Variants in USP8 observed in about 807,000 individuals in gnomAD.
USP8 encodes the protein ubiquitin carboxyl-terminal hydrolase 8.
USP8 carries 27 observed loss-of-function variants against 130.0 expected under a neutral mutation model. The ratio of observed to expected loss-of-function variants is 0.21; its 90% CI spans 0.15 to 0.29. The LOEUF is 0.29. Ranked by LOEUF, USP8 falls within the 10% of genes least tolerant of loss-of-function variation. USP8 has a pLI of 1.00. For missense variants in USP8, 1,029 were observed against 1,312.2 expected (o/e 0.78, Z 3.33); for synonymous variants, 392 against 444.1 (o/e 0.88, Z 1.48).
At position 50,500,152 on chromosome 15, in the gene USP8, A is replaced by AGAT. The variant is rs1318799106; in HGVS notation, c.*1067_*1069dup. On this transcript the variant is annotated 3_prime_UTR_variant, in exon 20 of 20. Transcript: ENST00000307179. ...CACCATTAGCAGGCTCTCAGGGAGA[A>AGAT]GATGAAAGGATGGGGTTCAAATTGT... The AGAT allele has an allele frequency of 4.6e-5, 7 of 152,258 alleles. No individual in the cohort carries two copies. The highest frequency in any genetic ancestry group is 1.7e-4 in the African/African-American group (7 of 41,462). The allele number at this position is 152,258 out of a possible 1,614,324, so 9.4% of individuals were successfully genotyped here.
At chr15:50,455,654 C>T (rs1333632521) in intron 4 of USP8, among the ~76,000 whole-genome samples, 1 of 152,012 alleles carries the variant, frequency 6.6e-6, no homozygotes, top group African/African-American at 2.4e-5. Context: ...TTCTTTAGTC[C>T]TCTGAATAGT....
rs1303626812 is a variant in USP8, at chr15:50,507,680, C to T, written c.*8592C>T. Reference sequence around the variant, plus strand: ...TGGAAGATTTCAACTATTGATCAAGCAGACAAAAATATTAGTATAGATACA... The same window carrying T: ...TGGAAGATTTCAACTATTGATCAAGTAGACAAAAATATTAGTATAGATACA... On this transcript the variant is annotated 3_prime_UTR_variant, in exon 20 of 20. Coordinates refer to ENST00000307179, the MANE Select transcript of USP8 (RefSeq NM_005154.5). 1 of 152,056 alleles carries T rather than the reference C, an allele frequency of 6.6e-6. No homozygotes were observed. Among genetic ancestry groups the T allele is most frequent in the Non-Finnish European group, 1.5e-5 (1 of 68,018 alleles). 9.4% of individuals were successfully genotyped at this position (152,056 alleles called of 1,614,324 possible). A position where few individuals can be genotyped will look rare whatever the true frequency, so the allele number is the denominator to read the frequency against.
chr15:50,436,255 T>C (rs1373481145), intron 1 of USP8, among the ~76,000 whole-genome samples: 1 of 152,128 alleles, frequency 6.6e-6, no homozygotes, highest in Non-Finnish European at 1.5e-5. Context: ...TTCCTAAAGA[T>C]GTTCTTTACT....
intron 8 of USP8, among the ~76,000 whole-genome samples, chr15:50,472,052 C>T (rs2051396034): frequency 6.6e-6 from 1 of 151,746 alleles, no homozygotes; most frequent in South Asian, 2.1e-4. Context: ...AGGCGTGAGC[C>T]ACCACACCAG....
intron 15 of USP8, 61 bp from the exon 16 acceptor site, chr15:50,494,009 G>A (rs182445055): frequency 1.1e-5 from 17 of 1,561,416 alleles, no homozygotes; most frequent in African/African-American, 2.7e-5. Context: ...AGAATCTACT[G>A]TACCTTGCTT....
chr15:50,473,808 A>C (rs986192072), intron 8 of USP8, among the ~76,000 whole-genome samples: 2 of 149,554 alleles, frequency 1.3e-5, no homozygotes, highest in African/African-American at 4.9e-5. Context: ...ATCTAAGTAT[A>C]TATATATATA....
At position 50,503,577 on chromosome 15, in the gene USP8, G is replaced by A. The variant is rs2052619661; in HGVS notation, c.*4489G>A. 6.6e-6 allele frequency: 1 copy of A among 152,192 alleles called. No homozygotes were observed. Among genetic ancestry groups the A allele is most frequent in the African/African-American group, 2.4e-5 (1 of 41,442 alleles). 9.4% of individuals were successfully genotyped at this position (152,192 alleles called of 1,614,324 possible). On this transcript the variant is annotated 3_prime_UTR_variant, in exon 20 of 20. Transcript: ENST00000307179. Reference sequence around the variant, plus strand: ...TAAAAAACAAAATCCACCCTCTAGTGCTTGTGTTAGCTTGGACTCATGGTA... The same window carrying A: ...TAAAAAACAAAATCCACCCTCTAGTACTTGTGTTAGCTTGGACTCATGGTA...
intron 1 of USP8, among the ~76,000 whole-genome samples, chr15:50,438,416 T>C (rs2050151262): frequency 6.6e-6 from 1 of 152,174 alleles, no homozygotes. Flanking sequence ...AAACCCCGTA[T>C]CTACTGAAAA....
Position 50,465,178 on chromosome 15 carries a change from G to A in USP8, c.673G>A (p.Ala225Thr), listed in dbSNP as rs1442631960. ...ACATTCTCTCAGTGTTCCTGAAGAA[G>A]CCATCAGTCCAGGGTGGGTTATTGT... is the stretch of plus-strand genomic sequence containing the variant. Reference protein sequence around the residue: ...ILHSLSVPEEAISPGVTASWI... With the variant: ...ILHSLSVPEETISPGVTASWI... The change falls in exon 7 of 20, where the codon GCC (alanine) becomes ACC (threonine). Residue 225 changes from alanine (A) to threonine (T), a missense_variant. By Grantham distance (58) the Ala-to-Thr change is moderately conservative. Around this residue, in one of 4 missense-constraint regions of USP8, gnomAD observed 281 missense variants for 336.7 expected, o/e 0.83. Transcript: ENST00000307179. 6.2e-6 allele frequency: 10 copies of A among 1,613,700 alleles called. No individual in the cohort carries two copies. In the African/African-American group the frequency reaches 1.1e-4, roughly 17 times the overall value.
chr15:50,445,724 G>A (rs916356531), intron 3 of USP8, among the ~76,000 whole-genome samples: 11 of 151,106 alleles, frequency 7.3e-5, no homozygotes, highest in African/African-American at 2.7e-4. Context: ...AGGTGTGGTG[G>A]CAGGCGCCTG....
At chr15:50,450,598 A>T (rs142652035) in intron 4 of USP8, among the ~76,000 whole-genome samples, 279 of 150,138 alleles carry the variant, frequency 1.9e-3, no homozygotes, top group African/African-American at 6.4e-3. Context: ...CAGCCTCCTG[A>T]GTAGCTGGTA....
At chr15:50,457,911 AAT>A (rs913154055) in intron 4 of USP8, among the ~76,000 whole-genome samples, 8 of 152,028 alleles carry the variant, frequency 5.3e-5, no homozygotes, top group Non-Finnish European at 1.2e-4. Context: ...GAGCATATAA[AAT>A]GTAAAGATAC....
intron 5 of USP8, among the ~76,000 whole-genome samples, 155 bp downstream of exon 5, chr15:50,459,317 C>A (rs541557380): frequency 6.6e-6 from 1 of 152,182 alleles, no homozygotes; most frequent in African/African-American, 2.4e-5. Context: ...GGCACGGTGG[C>A]TCACGCCTGT....
At chr15:50,461,916 A>T (rs746696742) in intron 5 of USP8, among the ~76,000 whole-genome samples, 1 of 152,090 alleles carries the variant, frequency 6.6e-6, no homozygotes, top group Non-Finnish European at 1.5e-5. Flanking sequence ...TGCTTTAATT[A>T]TGTGGTGGAG....
At chr15:50,449,586 A>ATT in intron 4 of USP8, 101 bp downstream of exon 4, 6 of 865,562 alleles carry the variant, frequency 6.9e-6, no homozygotes, top group South Asian at 2.5e-5. Flanking sequence ...TAATATTCCA[A>ATT]TTTTTTTTTG....
intron 4 of USP8, among the ~76,000 whole-genome samples, chr15:50,455,570 G>A (rs1458004591): frequency 6.6e-6 from 1 of 152,006 alleles, no homozygotes; most frequent in East Asian, 1.9e-4. Flanking sequence ...CTCTTTTATT[G>A]TTGTCCTATT....
chr15:50,459,094 G>C lies in USP8; in HGVS notation c.430G>C (p.Glu144Gln), dbSNP rs2050890989. 6.2e-7 allele frequency: 1 copy of C among 1,614,144 alleles called. No homozygotes were observed. Among genetic ancestry groups the C allele is most frequent in the Non-Finnish European group, 8.5e-7 (1 of 1,180,024 alleles). The change falls in exon 5 of 20, where the codon GAG becomes CAG. Residue 144 changes from glutamate to glutamine, a missense_variant. Coordinates refer to ENST00000307179, the MANE Select transcript of USP8 (RefSeq NM_005154.5). ...LQQKRQETGR[E>Q]DGGTLAKGSL... ...ACAAAAAAGGCAGGAAACAGGAAGAGAGGATGGTGGCACATTGGCTAAAGG... is the reference window on the plus strand; with the variant it reads ...ACAAAAAAGGCAGGAAACAGGAAGACAGGATGGTGGCACATTGGCTAAAGG...
intron 1 of USP8, among the ~76,000 whole-genome samples, chr15:50,436,911 C>T (rs1446030564): frequency 6.6e-6 from 1 of 152,202 alleles, no homozygotes; most frequent in Middle Eastern, 3.4e-3. Flanking sequence ...CTCAAGTGAT[C>T]TGTCCACTTT....
chr15:50,493,020 CTAGAT>C (rs1464391242), intron 15 of USP8, 107 bp downstream of exon 15: 2 of 1,134,528 alleles, frequency 1.8e-6, no homozygotes, highest in African/African-American at 3.1e-5. Flanking sequence ...ATACCTAAGA[CTAGAT>C]AATTTGTAAA....
Sources: gnomAD v4.1 joint callset for allele counts (sites outside exome capture counted in the v4.1 genomes callset) on GRCh38, gnomAD v4.1.1 for gene constraint, gnomAD v4.1.1 regional missense constraint, MANE v1.5 for transcripts, NCBI Gene and HGNC (gene_info 2026-07-23, HGNC 2026-07-21) for gene names.